The following TMEM164 variants were observed in gnomAD, a reference collection of about 807,000 sequenced individuals.
TMEM164 encodes RP13-360B22.2.
Under a neutral mutation model 18.8 loss-of-function variants are expected in TMEM164, and 4 were observed. The ratio of observed to expected loss-of-function variants is 0.21; its 90% confidence interval spans 0.10 to 0.49. The LOEUF (loss-of-function observed/expected upper bound fraction) is 0.49, where lower values mean the gene tolerates loss of function less well. TMEM164 is among the 20% of genes least tolerant of loss of function. The pLI is 0.98. For missense variants in TMEM164, 108 were observed against 239.9 expected (o/e 0.45, Z 3.63); for synonymous variants, 86 against 101.7 (o/e 0.85, Z 0.93).
chrX:110,094,840 T>C (rs2065988712), intron 3 of TMEM164, among the ~76,000 whole-genome samples: 1 of 112,001 alleles, frequency 8.9e-6, no homozygotes, highest in African/African-American at 3.2e-5. Context: ...CCATGTTTAG[T>C]GTTTCTTTCA....
At chrX:110,027,685 G>A (rs918618088) in intron 2 of TMEM164, among the ~76,000 whole-genome samples, 14 of 110,546 alleles carry the variant, frequency 1.3e-4, no homozygotes, top group South Asian at 7.6e-4. Context: ...GCTTGAATCC[G>A]GGAGGTGGAG....
chrX:110,060,874 T>C (rs1389744920), intron 2 of TMEM164, among the ~76,000 whole-genome samples: 1 of 112,212 alleles, frequency 8.9e-6, no homozygotes, highest in East Asian at 2.8e-4. Flanking sequence ...ATGCTATCAA[T>C]AGCTCATACT....
chrX:110,058,062 A>G (rs1935932961), intron 2 of TMEM164, among the ~76,000 whole-genome samples: 1 of 111,581 alleles, frequency 9.0e-6, no homozygotes, highest in South Asian at 3.7e-4. Flanking sequence ...GTTTTCTTCT[A>G]GGAGTTTTAT....
intron 3 of TMEM164, among the ~76,000 whole-genome samples, chrX:110,095,815 G>C (rs1391045199): frequency 8.9e-6 from 1 of 112,121 alleles, no homozygotes; most frequent in Non-Finnish European, 1.9e-5. Flanking sequence ...CATCTTTGTG[G>C]TTTTATCTAC....
rs978565580 is a variant in TMEM164, at chrX:110,077,191, C to G, written c.440+9795C>G. 8.0e-5 allele frequency among the ~76,000 whole-genome samples: 9 copies of G among 111,998 alleles called. No homozygotes were observed. The East Asian group carries it at 8.4e-4, about 10-fold the overall frequency. ...GTTAAGTCTCCTTGTTGAATTGAAG[C>G]CTTTACCATTATGTAATACTCTTAT... On this transcript the variant is annotated intron_variant, in intron 3 of 6. Coordinates refer to ENST00000372068, the MANE Select transcript of TMEM164 (RefSeq NM_032227.4).
At chrX:110,052,745 GTTTTTTTTTTT>G (rs34292132) in intron 2 of TMEM164, among the ~76,000 whole-genome samples, 1 of 68,817 alleles carries the variant, frequency 1.5e-5, no homozygotes, top group African/African-American at 5.4e-5. Flanking sequence ...ACATGCATCT[GTTTTTTTTTTT>G]TTTTTTTTTT....
chrX:110,106,151 A>C (rs1172989930), intron 3 of TMEM164, among the ~76,000 whole-genome samples: 1 of 111,944 alleles, frequency 8.9e-6, no homozygotes, highest in Non-Finnish European at 1.9e-5. Flanking sequence ...TAGCTTGTAT[A>C]AACTGAATTT....
intron 2 of TMEM164, among the ~76,000 whole-genome samples, chrX:110,053,592 G>C (rs1935672584): frequency 8.9e-6 from 1 of 111,965 alleles, no homozygotes; most frequent in African/African-American, 3.2e-5. Context: ...TGGTGGTGGA[G>C]CACTGCAAAC....
intron 6 of TMEM164, 109 bp from the exon 7 acceptor site, chrX:110,173,136 T>C: frequency 1.3e-6 from 1 of 786,034 alleles, no homozygotes; most frequent in Non-Finnish European, 1.9e-6. Flanking sequence ...TGGGGATTGG[T>C]CAATCCCTCC....
intron 4 of TMEM164, among the ~76,000 whole-genome samples, chrX:110,110,239 C>A (rs765193827): frequency 5.4e-5 from 6 of 111,387 alleles, no homozygotes; most frequent in Non-Finnish European, 1.1e-4. Context: ...TTCATGTATA[C>A]CTTTATGATA....
At chrX:110,057,708 T>C (rs1031584052) in intron 2 of TMEM164, among the ~76,000 whole-genome samples, 2 of 110,956 alleles carry the variant, frequency 1.8e-5, no homozygotes, top group Admixed American at 1.9e-4. Context: ...ACATGAGATC[T>C]CACTGTGGTT....
intron 4 of TMEM164, among the ~76,000 whole-genome samples, chrX:110,131,087 A>T (rs1459747579): frequency 8.9e-6 from 1 of 112,110 alleles, no homozygotes; most frequent in Non-Finnish European, 1.9e-5. Context: ...AGCAGAGGTC[A>T]TGGGGATTGT....
chrX:110,105,459 AG>A (rs2066175601), intron 3 of TMEM164, among the ~76,000 whole-genome samples: 1 of 108,757 alleles, frequency 9.2e-6, no homozygotes, highest in African/African-American at 3.4e-5. Flanking sequence ...GGCAGGCTGG[AG>A]GGGGGTATAA....
intron 4 of TMEM164, among the ~76,000 whole-genome samples, chrX:110,119,794 A>G (rs1467625889): frequency 8.9e-6 from 1 of 111,773 alleles, no homozygotes; most frequent in East Asian, 2.8e-4. Flanking sequence ...TGTTTTTACT[A>G]CTATTACTAC....
chrX:110,103,298 A>G (rs1343715161), intron 3 of TMEM164, among the ~76,000 whole-genome samples: 2 of 112,362 alleles, frequency 1.8e-5, no homozygotes, highest in Non-Finnish European at 3.8e-5. Flanking sequence ...TGGGAAAGAC[A>G]TTAGGGTGGT....
At position 110,174,500 on chromosome X, in the gene TMEM164, G is replaced by T. The variant is rs2067268955; in HGVS notation, c.*1049G>T. ...TCAGGGCCCATTTCTGGAAGATTCT[G>T]TAGATCTGTTTCTTGGTTTTACAGG... On this transcript the variant is annotated 3_prime_UTR_variant, in exon 7 of 7. Transcript: ENST00000372068. 1 of 108,521 alleles carries T rather than the reference G, an allele frequency of 9.2e-6. No homozygotes were observed. The highest frequency in any genetic ancestry group is 1.9e-5 in the Non-Finnish European group (1 of 52,289). 8.9% of individuals were successfully genotyped at this position (108,521 alleles called of 1,213,427 possible). A position where few individuals can be genotyped will look rare whatever the true frequency, so the allele number is the denominator to read the frequency against.
At chrX:110,048,806 A>T (rs775761689) in intron 2 of TMEM164, among the ~76,000 whole-genome samples, 1 of 111,308 alleles carries the variant, frequency 9.0e-6, no homozygotes, top group South Asian at 3.8e-4. Context: ...TGTAATTTAG[A>T]TTTGGATCAT....
chrX:110,177,895 G>C (rs1325547292), downstream of TMEM164: 6 of 112,514 alleles, frequency 5.3e-5, no homozygotes, highest in East Asian at 1.7e-3. Flanking sequence ...GACCCTCAAA[G>C]GACAGCTGGG....
intron 4 of TMEM164, among the ~76,000 whole-genome samples, chrX:110,142,570 T>A (rs3850157): frequency 4.3e-4 from 49 of 113,087 alleles, no homozygotes; most frequent in South Asian, 7.2e-4. Flanking sequence ...ATACAGTTCT[T>A]ATGAGGATTT....
Sources: allele counts gnomAD v4.1 joint callset (sites outside exome capture counted in the v4.1 genomes callset), GRCh38; gene constraint gnomAD v4.1.1; transcripts MANE v1.5; gene names NCBI Gene and HGNC (gene_info 2026-07-23, HGNC 2026-07-21).